Variants in USP30 observed in about 807,000 individuals in gnomAD.
USP30 encodes ubiquitin specific peptidase 30.
A neutral mutation model predicts 68.2 loss-of-function variants in USP30; 41 were observed. The observed-to-expected ratio is 0.60, with a 90% CI of 0.47 to 0.78. USP30 has a LOEUF of 0.78. Ranked by LOEUF, USP30 falls within the 30% of genes least tolerant of loss-of-function variation. The pLI is 0.00. For synonymous variants in USP30, 229 were observed against 253.7 expected (o/e 0.90, Z 0.93); for missense variants, 522 against 649.4 (o/e 0.80, Z 2.13).
At chr12:109,083,424 T>A (rs1473569386) in intron 11 of USP30, among the ~76,000 whole-genome samples, 4 of 152,126 alleles carry the variant, frequency 2.6e-5, no homozygotes, top group Non-Finnish European at 5.9e-5. Context: ...AGAGGAAATG[T>A]AGGGAGGACA....
At position 109,057,955 on chromosome 12, in the gene USP30, A is replaced by T. The variant is rs2040927422; in HGVS notation, c.223A>T (p.Asn75Tyr). 6.2e-7 allele frequency: 1 copy of T among 1,613,560 alleles called. No homozygotes were observed. Among genetic ancestry groups the T allele is most frequent in the South Asian group, 1.1e-5 (1 of 91,038 alleles). The stretch of plus-strand genomic sequence containing the variant: ...TGTGCCTGGCCTTGTTAATTTAGGG[A>T]ACACCTGCTTCATGAACTCCCTGCT... ...GLVPGLVNLG[N>Y]TCFMNSLLQG... The change falls in exon 3 of 13, where the codon AAC becomes TAC. Residue 75 changes from asparagine to tyrosine, a missense_variant. Transcript: ENST00000257548.
At chr12:109,033,721 C>G (rs1050025656) in intron 3 of USP30, among the ~76,000 whole-genome samples, 3 of 152,152 alleles carry the variant, frequency 2.0e-5, no homozygotes, top group African/African-American at 7.2e-5. Context: ...ACTCCCAGAT[C>G]CCTGGCACTG....
At chr12:109,035,521 G>A (rs1042039434) in intron 3 of USP30, among the ~76,000 whole-genome samples, 2 of 151,992 alleles carry the variant, frequency 1.3e-5, no homozygotes, top group Admixed American at 6.6e-5. Context: ...GTGCCACCAT[G>A]CCCAGCTAAT....
chr12:109,074,402 G>A (rs2041533176), intron 7 of USP30, among the ~76,000 whole-genome samples: 1 of 152,172 alleles, frequency 6.6e-6, no homozygotes, highest in Non-Finnish European at 1.5e-5. Flanking sequence ...GAGTAGAATT[G>A]CTAGCTTATA....
rs772367199 is a variant in USP30, at chr12:109,057,967, A to G, written c.235A>G (p.Met79Val). Residue 79 changes from methionine (M) to valine (V), a missense_variant, in exon 3 of 13, where the codon ATG (methionine) becomes GTG (valine). Transcript: ENST00000257548. ...GLVNLGNTCF[M>V]NSLLQGLSAC... Reference sequence around the variant, plus strand: ...TGTTAATTTAGGGAACACCTGCTTCATGAACTCCCTGCTACAAGGCCTGTC... The same window carrying G: ...TGTTAATTTAGGGAACACCTGCTTCGTGAACTCCCTGCTACAAGGCCTGTC... 1.9e-5 allele frequency: 30 copies of G among 1,613,826 alleles called. No homozygotes were observed. Among genetic ancestry groups the G allele is most frequent in the Non-Finnish European group, 2.5e-5 (29 of 1,179,964 alleles).
rs779822660 is a variant in USP30 at position 109,072,298 on chromosome 12, C to T, written c.580-7C>T. The T allele has an allele frequency of 3.5e-5, 56 of 1,612,270 alleles. No individual in the cohort carries two copies. The highest frequency in any genetic ancestry group is 5.4e-5 in the African/African-American group (4 of 74,650). On this transcript the variant is annotated splice_polypyrimidine_tract_variant and splice_region_variant and intron_variant, in intron 5 of 12. Transcript: ENST00000257548. ...TTCAGTCTGTTTTTTTTTTTTCTCCCCTACAGCAGCAGTCAGAAATAACTC... is the reference window on the plus strand; with the variant it reads ...TTCAGTCTGTTTTTTTTTTTTCTCCTCTACAGCAGCAGTCAGAAATAACTC...
chr12:109,046,959 A>C (rs539750719), intron 3 of USP30, among the ~76,000 whole-genome samples: 25 of 152,252 alleles, frequency 1.6e-4, no homozygotes, highest in African/African-American at 5.8e-4. Flanking sequence ...GGCCTCCCAA[A>C]GTGGTGGGAT....
At chr12:109,079,339 CTTTTTTTTTTTCTTTTTTTTT>C (rs1670058162) in intron 7 of USP30, among the ~76,000 whole-genome samples, 1 of 62,250 alleles carries the variant, frequency 1.6e-5, no homozygotes, top group African/African-American at 6.9e-5. Flanking sequence ...TTTTCTTTTT[CTTTTTTTTTTTCTTTTTTTTT>C]TTTTTTTTTT....
intron 7 of USP30, among the ~76,000 whole-genome samples, chr12:109,076,374 A>C (rs1376210848): frequency 6.7e-6 from 1 of 149,484 alleles, no homozygotes; most frequent in African/African-American, 2.5e-5. Context: ...GAATAGAAAT[A>C]GTTTTAGTTC....
At chr12:109,033,712 C>T (rs1372995284) in intron 3 of USP30, among the ~76,000 whole-genome samples, 1 of 152,172 alleles carries the variant, frequency 6.6e-6, no homozygotes, top group African/African-American at 2.4e-5. Flanking sequence ...TCTAGAGTCA[C>T]TCCCAGATCC....
chr12:109,079,339 C>CTTTTTTTT (rs750712233), intron 7 of USP30, among the ~76,000 whole-genome samples: 83 of 62,254 alleles, frequency 1.3e-3, no homozygotes, highest in African/African-American at 2.0e-3. Context: ...TTTTCTTTTT[C>CTTTTTTTT]TTTTTTTTTT....
chr12:109,066,188 G>T (rs909679919), intron 3 of USP30, among the ~76,000 whole-genome samples: 1 of 148,152 alleles, frequency 6.7e-6, no homozygotes, highest in Non-Finnish European at 1.5e-5. Context: ...GGAGGTCAAG[G>T]CTGCAGTGAG....
chr12:109,043,565 C>G (rs1165862674), intron 3 of USP30, among the ~76,000 whole-genome samples: 1 of 152,128 alleles, frequency 6.6e-6, no homozygotes. Flanking sequence ...ACAACACATA[C>G]AAAAGTTAAT....
intron 3 of USP30, among the ~76,000 whole-genome samples, chr12:109,045,030 T>C (rs2040592752): frequency 7.4e-6 from 1 of 135,770 alleles, no homozygotes; most frequent in Non-Finnish European, 1.5e-5. Flanking sequence ...CAGGCTAGAG[T>C]GCAGTGGCGC....
At position 109,038,205 on chromosome 12, in the gene USP30, GC is replaced by G. The variant is rs200522064; in HGVS notation, c.-135-9379del. Reference sequence around the variant, plus strand: ...AAGGCCCCAGTGTATGTTGGTTCCCGCCCCCCTCCCCACCTGCCAGTTTCCA... The same window carrying G: ...AAGGCCCCAGTGTATGTTGGTTCCCGCCCCCTCCCCACCTGCCAGTTTCCA... On this transcript the variant is annotated intron_variant, in intron 3 of 15. Transcript: ENST00000392784. Among the ~76,000 whole-genome samples the G allele has an allele frequency of 6.4e-5, 7 of 110,072 alleles. No individual in the cohort carries two copies. The East Asian group carries it at 1.8e-3, about 28-fold the overall frequency. The allele number at this position is 110,072 out of a possible 152,430, so 72.2% of individuals were successfully genotyped here.
chr12:109,035,631 G>A (rs1264700911), intron 3 of USP30, among the ~76,000 whole-genome samples: 2 of 152,078 alleles, frequency 1.3e-5, no homozygotes, highest in Non-Finnish European at 2.9e-5. Flanking sequence ...CAAAGTGCTG[G>A]GATTACAGGC....
In USP30 at chr12:109,086,118, G is replaced by GT. The variant is rs1375472838; in HGVS notation, c.*189dup. On this transcript the variant is annotated 3_prime_UTR_variant, in exon 13 of 13. Coordinates refer to ENST00000257548, the MANE Select transcript of USP30 (RefSeq NM_032663.5). ...CAAACCAGGCTCCCTGAACAGTCCT[G>GT]TTCATGTGTGTAGGTGGTTCTGTTG... 1 of 741,104 alleles carries GT rather than the reference G, an allele frequency of 1.3e-6. No homozygotes were observed. The highest frequency in any genetic ancestry group is 1.8e-5 in the African/African-American group (1 of 56,514). 45.9% of individuals were successfully genotyped at this position (741,104 alleles called of 1,614,324 possible).
intron 7 of USP30, among the ~76,000 whole-genome samples, chr12:109,077,534 C>T (rs1204136276): frequency 6.6e-6 from 1 of 152,064 alleles, no homozygotes; most frequent in Admixed American, 6.5e-5. Flanking sequence ...CTGTCATTTT[C>T]GGCCTTTGTA....
intron 3 of USP30, among the ~76,000 whole-genome samples, chr12:109,039,910 G>C (rs114118250): frequency 6.6e-6 from 1 of 151,976 alleles, no homozygotes; most frequent in Middle Eastern, 3.2e-3. Context: ...CACCTGGCCA[G>C]CCATTTTCTT....
Sources: allele counts gnomAD v4.1 joint callset (sites outside exome capture counted in the v4.1 genomes callset), GRCh38; gene constraint gnomAD v4.1.1; transcripts MANE v1.5; gene names NCBI Gene and HGNC (gene_info 2026-07-23, HGNC 2026-07-21).